The following ACACB variants were observed in gnomAD, a reference collection of about 807,000 sequenced individuals.
ACACB encodes acetyl-CoA carboxylase 2.
In ACACB, 209 loss-of-function variants were observed where a neutral mutation model predicts 278.8. The ratio of observed to expected loss-of-function variants is 0.75; its 90% CI spans 0.67 to 0.84. The LOEUF (loss-of-function observed/expected upper bound fraction) is 0.84, where lower values mean the gene tolerates loss of function less well. ACACB is among the 40% of genes least tolerant of loss of function. The pLI is 0.00. For synonymous variants in ACACB, 1,174 were observed against 1,285.6 expected (o/e 0.91, Z 1.86); for missense variants, 2,850 against 3,269.0 (o/e 0.87, Z 3.13).
chr12:109,251,982 C>T, intron 41 of ACACB, 64 bp from the exon 42 acceptor site: 1 of 1,280,798 alleles, frequency 7.8e-7, no homozygotes, highest in Non-Finnish European at 1.1e-6. Context: ...CTGGACTCTT[C>T]CCTGCTGTGG....
chr12:109,127,875 C>T (rs1158922988), intron 1 of ACACB, among the ~76,000 whole-genome samples: 1 of 152,084 alleles, frequency 6.6e-6, no homozygotes, highest in African/African-American at 2.4e-5. Context: ...AAAGTTGTCA[C>T]GTATCTTCTT....
chr12:109,243,774 A>G (rs1366197826), intron 37 of ACACB, among the ~76,000 whole-genome samples: 2 of 151,956 alleles, frequency 1.3e-5, no homozygotes, highest in Non-Finnish European at 1.5e-5. Flanking sequence ...AGTATTTTTT[A>G]TGCCTTTATA....
chr12:109,202,584 G>T (rs528722377), intron 19 of ACACB, among the ~76,000 whole-genome samples: 1 of 152,030 alleles, frequency 6.6e-6, no homozygotes, highest in African/African-American at 2.4e-5. Context: ...CAAAGTGATG[G>T]GATTACAGGT....
chr12:109,230,775 G>A (rs955005734), intron 28 of ACACB, among the ~76,000 whole-genome samples: 1 of 152,184 alleles, frequency 6.6e-6, no homozygotes, highest in Non-Finnish European at 1.5e-5. Context: ...CTGTTAGGAA[G>A]GGAAGGGCGG....
intron 1 of ACACB, among the ~76,000 whole-genome samples, chr12:109,124,537 G>A (rs929761939): frequency 6.6e-6 from 1 of 152,202 alleles, no homozygotes; most frequent in Admixed American, 6.5e-5. Flanking sequence ...TGAGTTTAGG[G>A]TATCAGTCTG....
chr12:109,215,793 C>CTAAT (rs947454671), intron 22 of ACACB, among the ~76,000 whole-genome samples: 2 of 152,042 alleles, frequency 1.3e-5, no homozygotes, highest in Non-Finnish European at 2.9e-5. Flanking sequence ...TTTAAATTAA[C>CTAAT]TAATTAATTA....
chr12:109,265,265 G>A lies in ACACB; in HGVS notation c.7098G>A (p.Thr2366=), dbSNP rs780940793. The stretch of plus-strand genomic sequence containing the variant: ...TGCTGCGTCGCTGGTTCGTGGAGAC[G>A]GAGGGGGCTGTCAAGGTGGGCCTGG... ...QSMLRRWFVE[T]EGAVKAYLWD... Residue 2366 remains threonine (T), a synonymous_variant, in exon 51 of 53, where the codon ACG becomes ACA. Transcript: ENST00000338432. 1.6e-5 allele frequency: 26 copies of A among 1,612,912 alleles called. No homozygotes were observed. Among genetic ancestry groups the A allele is most frequent in the South Asian group, 8.8e-5 (8 of 91,064 alleles).
Position 109,176,270 on chromosome 12 carries a change from A to G in ACACB, c.1437+7A>G. On this transcript the variant is annotated splice_region_variant and intron_variant, in intron 9 of 52. Coordinates refer to ENST00000338432, the MANE Select transcript of ACACB (RefSeq NM_001093.4). ...CCCGATCCTTTTCAGACAAGTGAGC[A>G]GTTCTTGCTGTGTCTTTTCGCATCT... is the stretch of plus-strand genomic sequence containing the variant. 6.2e-7 allele frequency: 1 copy of G among 1,611,260 alleles called. No homozygotes were observed. The highest frequency in any genetic ancestry group is 8.5e-7 in the Non-Finnish European group (1 of 1,177,366).
chr12:109,211,495 T>C lies in ACACB; in HGVS notation c.3250-1341T>C, dbSNP rs573848336. Among the ~76,000 whole-genome samples, 6 of 152,178 alleles carry C rather than the reference T, an allele frequency of 3.9e-5. No individual in the cohort carries two copies. In the South Asian group the frequency reaches 1.2e-3, roughly 32 times the overall value. ...CTTGAACTCCTGACCTCAGGTGATC[T>C]GCCTGCCTCGGCCTCCCAGAGTGCT... On this transcript the variant is annotated intron_variant, in intron 21 of 52. Transcript: ENST00000338432.
intron 18 of ACACB, 152 bp from the exon 19 acceptor site, chr12:109,201,415 T>C (rs1349588342): frequency 8.9e-6 from 8 of 903,162 alleles, no homozygotes; most frequent in African/African-American, 8.4e-5. Context: ...CACTTTTCCT[T>C]GTACCTTCTG....
intron 2 of ACACB, among the ~76,000 whole-genome samples, chr12:109,145,163 T>TGAATCTCC (rs57839713): frequency 0.13 from 19,333 of 152,062 alleles, 1,686 homozygotes; most frequent in East Asian, 0.37. Flanking sequence ...TTGGTTGCTA[T>TGAATCTCC]TGTTTTTTGG....
intron 3 of ACACB, among the ~76,000 whole-genome samples, chr12:109,167,576 G>T (rs1488735861): frequency 7.0e-5 from 10 of 142,804 alleles, no homozygotes; most frequent in African/African-American, 2.6e-4. Context: ...TCCAGCCTGG[G>T]TGACAGAGCA....
rs749302696 is a variant in ACACB at position 109,233,795 on chromosome 12, C to T, written c.4187C>T (p.Thr1396Ile). 3 of 1,614,150 alleles carry T rather than the reference C, an allele frequency of 1.9e-6. No individual in the cohort carries two copies. Among genetic ancestry groups the T allele is most frequent in the Non-Finnish European group, 2.5e-6 (3 of 1,180,028 alleles). The change falls in exon 30 of 53, where the codon ACC (threonine) becomes ATC (isoleucine). Residue 1396 changes from threonine to isoleucine, a missense_variant. Thr to Ile is a moderately conservative substitution (Grantham distance 89). Around this residue, in one of 3 missense-constraint regions of ACACB, gnomAD observed 2,265 missense variants for 2,561.3 expected, o/e 0.88. Coordinates refer to ENST00000338432, the MANE Select transcript of ACACB (RefSeq NM_001093.4). ...TGCTTCGCCAACGTGCCCAAAGACA[C>T]CCCCCTCTTCAGCGAGGCCCGCACC... ...ISCFANVPKDTPLFSEARTSL... is the reference protein window; with the variant it reads ...ISCFANVPKDIPLFSEARTSL...
chr12:109,200,376 G>A (rs1371078262), intron 18 of ACACB, among the ~76,000 whole-genome samples: 1 of 152,088 alleles, frequency 6.6e-6, no homozygotes. Flanking sequence ...GGTAGTGACA[G>A]GGTTTCGTCA....
At chr12:109,260,410 C>A in intron 47 of ACACB, 70 bp from the exon 48 acceptor site, 6 of 1,587,272 alleles carry the variant, frequency 3.8e-6, no homozygotes, top group Non-Finnish European at 5.2e-6. Context: ...ACCCCCAGGA[C>A]AACTAGGGCA....
chr12:109,134,337 A>G (rs1362205885), intron 1 of ACACB, among the ~76,000 whole-genome samples: 1 of 152,164 alleles, frequency 6.6e-6, no homozygotes, highest in Non-Finnish European at 1.5e-5. Context: ...GCATTTGGCC[A>G]CTGTGGCCAG....
At chr12:109,167,115 G>T in intron 3 of ACACB, 122 bp downstream of exon 3, 1 of 1,279,348 alleles carries the variant, frequency 7.8e-7, no homozygotes, top group Non-Finnish European at 1.1e-6. Flanking sequence ...GGGGGTGAGG[G>T]CCACGCTCCT....
chr12:109,247,709 T>C lies in ACACB; in HGVS notation c.5669+6T>C, dbSNP rs1299899371. 2 of 1,606,704 alleles carry C rather than the reference T, an allele frequency of 1.2e-6. No individual in the cohort carries two copies. Among genetic ancestry groups the C allele is most frequent in the East Asian group, 4.5e-5 (2 of 44,858 alleles). ...GAGGAAGGAGGAGAGTCCAGGTAAA[T>C]AACTTATCAGGTAGCTCCTTAATTT... is the stretch of plus-strand genomic sequence containing the variant. On this transcript the variant is annotated splice_donor_region_variant and intron_variant, in intron 40 of 52. Transcript: ENST00000338432.
At chr12:109,143,715 C>T (rs2043175094) in intron 2 of ACACB, among the ~76,000 whole-genome samples, 1 of 152,140 alleles carries the variant, frequency 6.6e-6, no homozygotes, top group African/African-American at 2.4e-5. Context: ...AGAGAAGACT[C>T]ATGTGTGCTT....
Sources: allele counts gnomAD v4.1 joint callset (sites outside exome capture counted in the v4.1 genomes callset), GRCh38; gene constraint gnomAD v4.1.1; regional missense constraint gnomAD v4.1.1; transcripts MANE v1.5; gene names NCBI Gene and HGNC (gene_info 2026-07-23, HGNC 2026-07-21).